The following KLF12 variants were observed in gnomAD, a reference collection of about 807,000 sequenced individuals.
KLF12 encodes the protein Krueppel-like factor 12.
In KLF12, 9 loss-of-function variants were observed where a neutral mutation model predicts 37.8. The ratio of observed to expected loss-of-function variants is 0.24; its 90% confidence interval spans 0.14 to 0.42. The LOEUF (loss-of-function observed/expected upper bound fraction) is 0.42. KLF12 is among the 10% of genes least tolerant of loss of function. KLF12 has a pLI of 1.00. For missense variants in KLF12, 411 were observed against 516.0 expected, an observed-to-expected ratio of 0.80 and a Z score of 1.97; for synonymous variants, 208 against 202.1, an observed-to-expected ratio of 1.03 and a Z score of -0.25.
At chr13:74,244,968 A>G in the KLF12 span, among the ~76,000 whole-genome samples, 1 of 152,186 alleles carries the variant, frequency 6.6e-6, no homozygotes, top group Admixed American at 6.5e-5. Context: ...AACTTACAAA[A>G]AGATAGATTA....
At chr13:74,269,028 C>T in the KLF12 span, among the ~76,000 whole-genome samples, 99 of 152,218 alleles carry the variant, frequency 6.5e-4, no homozygotes, top group African/African-American at 1.9e-3. Flanking sequence ...TGGGGAAGAC[C>T]TTTGCATTGC....
intron 1 of KLF12, among the ~76,000 whole-genome samples, chr13:74,008,396 T>A (rs371447544): frequency 6.6e-6 from 1 of 152,330 alleles, no homozygotes; most frequent in East Asian, 1.9e-4. Flanking sequence ...ATCCATCTCA[T>A]AAAGTCCTTT....
intron 1 of KLF12, among the ~76,000 whole-genome samples, chr13:74,085,468 C>A (rs1211828370): frequency 6.6e-6 from 1 of 152,232 alleles, no homozygotes; most frequent in Non-Finnish European, 1.5e-5. Flanking sequence ...TGAGACACTA[C>A]ACTAATGAGC....
chr13:74,234,167 T>A, the KLF12 span, among the ~76,000 whole-genome samples: 1 of 152,062 alleles, frequency 6.6e-6, no homozygotes, highest in Non-Finnish European at 1.5e-5. Flanking sequence ...AAAAATAAAG[T>A]CTATTAAAAA....
intron 5 of KLF12, among the ~76,000 whole-genome samples, chr13:73,796,308 T>A (rs927083884): frequency 6.6e-6 from 1 of 152,222 alleles, no homozygotes; most frequent in African/African-American, 2.4e-5. Context: ...TAACCTGCTA[T>A]ATATCCTGGC....
intron 1 of KLF12, among the ~76,000 whole-genome samples, chr13:74,008,290 C>T (rs1189939414): frequency 6.6e-6 from 1 of 152,156 alleles, no homozygotes; most frequent in Admixed American, 6.5e-5. Flanking sequence ...ACTCCAAAAT[C>T]AGCTACCACC....
chr13:74,230,335 C>T, the KLF12 span, among the ~76,000 whole-genome samples: 5 of 152,304 alleles, frequency 3.3e-5, no homozygotes, highest in African/African-American at 1.2e-4. Flanking sequence ...GTCAGTTAAA[C>T]CTCTTTCCTT....
chr13:73,980,067 T>C (rs1452845644), intron 2 of KLF12, among the ~76,000 whole-genome samples: 3 of 152,100 alleles, frequency 2.0e-5, no homozygotes, highest in Admixed American at 6.6e-5. Context: ...TGTGAGAAAA[T>C]AAATTTCGGT....
At chr13:73,917,559 AC>A (rs1888907314) in intron 3 of KLF12, among the ~76,000 whole-genome samples, 1 of 152,234 alleles carries the variant, frequency 6.6e-6, no homozygotes. Flanking sequence ...GTTGGACTCT[AC>A]CATTTATTTG....
chr13:73,710,986 C>G (rs1475225334), intron 7 of KLF12, among the ~76,000 whole-genome samples: 2 of 152,154 alleles, frequency 1.3e-5, no homozygotes, highest in African/African-American at 2.4e-5. Context: ...GATAAGAAAG[C>G]AAAACAGCCT....
intron 1 of KLF12, among the ~76,000 whole-genome samples, chr13:74,014,268 C>T (rs1892632487): frequency 6.6e-6 from 1 of 152,156 alleles, no homozygotes; most frequent in Admixed American, 6.5e-5. Flanking sequence ...GAGGACACCC[C>T]ACTACCAGAA....
At chr13:73,871,224 G>GT (rs1886447012) in intron 3 of KLF12, among the ~76,000 whole-genome samples, 1 of 152,180 alleles carries the variant, frequency 6.6e-6, no homozygotes, top group Non-Finnish European at 1.5e-5. Flanking sequence ...TGTGTCAGCT[G>GT]TAGTACTCGC....
At chr13:73,834,894 T>C (rs1884349527) in intron 4 of KLF12, among the ~76,000 whole-genome samples, 2 of 152,172 alleles carry the variant, frequency 1.3e-5, no homozygotes, top group African/African-American at 4.8e-5. Context: ...CAAAACTTCC[T>C]AGTAGCACAC....
intron 1 of KLF12, among the ~76,000 whole-genome samples, chr13:73,997,934 G>A (rs1892165698): frequency 6.6e-6 from 1 of 152,148 alleles, no homozygotes; most frequent in Admixed American, 6.5e-5. Flanking sequence ...CTGGAACCAT[G>A]GGTAAATACT....
chr13:73,703,336 G>A (rs1021357971), intron 7 of KLF12, among the ~76,000 whole-genome samples: 2 of 152,018 alleles, frequency 1.3e-5, no homozygotes, highest in Non-Finnish European at 2.9e-5. Flanking sequence ...ATTAATTATA[G>A]TTTTGGGGTA....
At chr13:74,106,038 T>C (rs1030452957) in intron 1 of KLF12, among the ~76,000 whole-genome samples, 3 of 152,194 alleles carry the variant, frequency 2.0e-5, no homozygotes, top group East Asian at 3.9e-4. Context: ...TTCCCCTATA[T>C]AGCTTATACC....
chr13:73,866,341 G>A (rs934530050), intron 3 of KLF12, among the ~76,000 whole-genome samples: 2 of 152,086 alleles, frequency 1.3e-5, no homozygotes, highest in Non-Finnish European at 2.9e-5. Flanking sequence ...GGAGTGGAGA[G>A]AAAGAATAGG....
At chr13:74,111,757 A>G (rs1429552040) in intron 1 of KLF12, among the ~76,000 whole-genome samples, 1 of 152,224 alleles carries the variant, frequency 6.6e-6, no homozygotes, top group African/African-American at 2.4e-5. Context: ...GAGTTACTAA[A>G]CCAGAAATGT....
At chr13:73,944,595 C>A (rs971451222) in intron 2 of KLF12, among the ~76,000 whole-genome samples, 1 of 152,172 alleles carries the variant, frequency 6.6e-6, no homozygotes, top group African/African-American at 2.4e-5. Context: ...TACCTATCAA[C>A]CTCCAAATAT....
Sources: gnomAD v4.1 joint callset for allele counts (sites outside exome capture counted in the v4.1 genomes callset) on GRCh38, gnomAD v4.1.1 for gene constraint, MANE v1.5 for transcripts, NCBI Gene and HGNC (gene_info 2026-07-23, HGNC 2026-07-21) for gene names.